ASPH: variants seen among roughly 807,000 people sequenced by gnomAD.
ASPH encodes aspartyl/asparaginyl beta-hydroxylase.
In ASPH, 100 loss-of-function variants were observed where a neutral mutation model predicts 118.4. The ratio of observed to expected loss-of-function variants is 0.84; its 90% CI spans 0.72 to 1.00. ASPH has a LOEUF of 1.00. Among genes scored for constraint, ASPH ranks in the 50% least tolerant of loss-of-function variants. The pLI is 0.00. For synonymous variants in ASPH, 315 were observed against 325.6 expected, an observed-to-expected ratio of 0.97 and a Z score of 0.35; for missense variants, 920 against 919.5, an observed-to-expected ratio of 1.00 and a Z score of -0.01.
chr8:61,696,563 C>T (rs1462307314), intron 1 of ASPH, among the ~76,000 whole-genome samples: 1 of 152,142 alleles, frequency 6.6e-6, no homozygotes, highest in East Asian at 1.9e-4. Flanking sequence ...TAGTAGTTAA[C>T]CTCACAGGCT....
chr8:61,548,239 T>C (rs1313358581), intron 20 of ASPH, 31 bp from the exon 21 acceptor site: 2 of 1,590,810 alleles, frequency 1.3e-6, no homozygotes, highest in Non-Finnish European at 1.7e-6. Context: ...TGCTCCAAAC[T>C]GTTCCTTCAA....
chr8:61,684,266 T>C, intron 1 of ASPH, 78 bp from the exon 2 acceptor site: 1 of 1,449,254 alleles, frequency 6.9e-7, no homozygotes, highest in Non-Finnish European at 9.3e-7. Flanking sequence ...ATTTCTCCAA[T>C]AATTTGGGAT....
In ASPH at chr8:61,503,227, G is replaced by A; in HGVS notation, c.*132C>T. 9.2e-7 allele frequency: 1 copy of A among 1,089,190 alleles called. No homozygotes were observed. Among genetic ancestry groups the A allele is most frequent in the Non-Finnish European group, 1.3e-6 (1 of 798,222 alleles). 67.5% of individuals were successfully genotyped at this position (1,089,190 alleles called of 1,614,324 possible). A position where few individuals can be genotyped will look rare whatever the true frequency, so the allele number is the denominator to read the frequency against. On this transcript the variant is annotated 3_prime_UTR_variant, in exon 25 of 25. Transcript: ENST00000379454. ...TTAGTGTCTTCTGACCCTAGGAGGA[G>A]GCTTTGAATTACTCGGGCTGCAAGT... is the stretch of plus-strand genomic sequence containing the variant.
chr8:61,642,150 T>C (rs1412008593), intron 10 of ASPH, among the ~76,000 whole-genome samples: 1 of 152,210 alleles, frequency 6.6e-6, no homozygotes, highest in Non-Finnish European at 1.5e-5. Flanking sequence ...TTGCCAGAAC[T>C]GTTTTCTCCA....
At chr8:61,696,527 A>G (rs1388348076) in intron 1 of ASPH, among the ~76,000 whole-genome samples, 1 of 152,188 alleles carries the variant, frequency 6.6e-6, no homozygotes, top group Non-Finnish European at 1.5e-5. Context: ...AACACCACTG[A>G]TAAGAAGATA....
At position 61,714,499 on chromosome 8, in the gene ASPH, G is replaced by A. The variant is rs1464032514; in HGVS notation, c.-128C>T. 1.5e-6 allele frequency: 2 copies of A among 1,308,080 alleles called. No individual in the cohort carries two copies. Among genetic ancestry groups the A allele is most frequent in the Non-Finnish European group, 2.0e-6 (2 of 1,016,304 alleles). 81.0% of individuals were successfully genotyped at this position (1,308,080 alleles called of 1,614,324 possible). ...GGTTCGGGCCGCTGCTCCTGCAGCA[G>A]ACCCTGTGCCTCAGCACCGCCTGCA... On this transcript the variant is annotated 5_prime_UTR_variant, in exon 1 of 25. Coordinates refer to ENST00000379454, the MANE Select transcript of ASPH (RefSeq NM_004318.4).
At chr8:61,553,598 A>G (rs1410383640) in intron 19 of ASPH, among the ~76,000 whole-genome samples, 1 of 58,730 alleles carries the variant, frequency 1.7e-5, no homozygotes, top group Non-Finnish European at 3.5e-5. Flanking sequence ...TTACCTTTTA[A>G]TGATTTTTTT....
chr8:61,528,775 C>T (rs1014003674), intron 21 of ASPH, among the ~76,000 whole-genome samples: 2 of 152,126 alleles, frequency 1.3e-5, no homozygotes, highest in African/African-American at 2.4e-5. Context: ...AGGTACTTTT[C>T]GTGAATAGTA....
intron 15 of ASPH, chr8:61,579,593 C>T: frequency 1.3e-6 from 2 of 1,523,974 alleles, no homozygotes; most frequent in Non-Finnish European, 1.8e-6. Context: ...CCAGTTCCTC[C>T]AGGGCCGTGG....
chr8:61,555,422 T>C (rs990290999), intron 19 of ASPH, among the ~76,000 whole-genome samples: 4 of 152,078 alleles, frequency 2.6e-5, no homozygotes, highest in African/African-American at 7.2e-5. Flanking sequence ...GCCTCCCAAG[T>C]AGCTGGGATT....
At chr8:61,667,216 A>AG (rs1156513496) in intron 3 of ASPH, among the ~76,000 whole-genome samples, 1 of 152,164 alleles carries the variant, frequency 6.6e-6, no homozygotes, top group Non-Finnish European at 1.5e-5. Flanking sequence ...AAAGAAAAAC[A>AG]GGCTTATATA....
At chr8:61,546,270 A>C (rs1478873718) in intron 21 of ASPH, among the ~76,000 whole-genome samples, 1 of 152,240 alleles carries the variant, frequency 6.6e-6, no homozygotes, top group Non-Finnish European at 1.5e-5. Flanking sequence ...GCTTCCAGCT[A>C]TGTCAATCAG....
At chr8:61,663,466 T>C in intron 3 of ASPH, 3 of 985,346 alleles carry the variant, frequency 3.0e-6, no homozygotes, top group Non-Finnish European at 3.6e-6. Context: ...CATCTCCAAA[T>C]AGAATAACTC....
At chr8:61,619,551 G>C (rs1053727160) in intron 13 of ASPH, among the ~76,000 whole-genome samples, 1 of 152,164 alleles carries the variant, frequency 6.6e-6, no homozygotes, top group African/African-American at 2.4e-5. Flanking sequence ...TGAGAAGCCA[G>C]AGATGAACCC....
intron 14 of ASPH, among the ~76,000 whole-genome samples, chr8:61,586,522 G>A (rs1024351149): frequency 5.3e-5 from 8 of 152,158 alleles, no homozygotes; most frequent in African/African-American, 1.9e-4. Flanking sequence ...TCATCCTAAG[G>A]AAGATGGAAT....
At chr8:61,532,358 G>A (rs916335713) in intron 21 of ASPH, among the ~76,000 whole-genome samples, 2 of 152,042 alleles carry the variant, frequency 1.3e-5, no homozygotes, top group Admixed American at 1.3e-4. Flanking sequence ...TAGGCCCTTT[G>A]CCAATTTTTA....
At chr8:61,584,939 A>C (rs1646526238) in intron 14 of ASPH, among the ~76,000 whole-genome samples, 1 of 152,050 alleles carries the variant, frequency 6.6e-6, no homozygotes, top group Non-Finnish European at 1.5e-5. Context: ...GAAATCACCC[A>C]CACAGTACTC....
chr8:61,661,479 C>G (rs1816880131), intron 3 of ASPH: 1 of 152,764 alleles, frequency 6.5e-6, no homozygotes, highest in African/African-American at 2.4e-5. Flanking sequence ...GTGCATTTTA[C>G]AATGGAATAT....
At chr8:61,615,578 G>T (rs1848737909) in intron 14 of ASPH, among the ~76,000 whole-genome samples, 1 of 152,186 alleles carries the variant, frequency 6.6e-6, no homozygotes, top group East Asian at 1.9e-4. Flanking sequence ...TCAATAAATG[G>T]ATGAACACGA....
Sources: allele counts gnomAD v4.1 joint callset (sites outside exome capture counted in the v4.1 genomes callset), GRCh38; gene constraint gnomAD v4.1.1; transcripts MANE v1.5; gene names NCBI Gene and HGNC (gene_info 2026-07-23, HGNC 2026-07-21).